Variants in CBFA2T2 observed in about 807,000 individuals in gnomAD.
The protein encoded by CBFA2T2 is protein CBFA2T2.
A neutral mutation model predicts 62.2 loss-of-function variants in CBFA2T2; 11 were observed. The ratio of observed to expected loss-of-function variants is 0.18; its 90% CI spans 0.11 to 0.29. The LOEUF (loss-of-function observed/expected upper bound fraction) is 0.29, where lower values mean the gene tolerates loss of function less well. CBFA2T2 is among the 10% of genes least tolerant of loss of function. The pLI, the probability that CBFA2T2 is intolerant of heterozygous loss-of-function variation, is 1.00. For missense variants in CBFA2T2, 592 were observed against 774.1 expected (o/e 0.76, Z 2.79); for synonymous variants, 295 against 287.5 (o/e 1.03, Z -0.27).
intron 1 of CBFA2T2, among the ~76,000 whole-genome samples, chr20:33,529,785 CTTTT>C (rs202192301): frequency 3.9e-5 from 3 of 76,456 alleles, no homozygotes; most frequent in Admixed American, 1.4e-4. Context: ...ATATATATTT[CTTTT>C]TTTTTTTTTA....
At chr20:33,575,061 T>G (rs1403615382) in intron 1 of CBFA2T2, among the ~76,000 whole-genome samples, 1 of 152,240 alleles carries the variant, frequency 6.6e-6, no homozygotes, top group Non-Finnish European at 1.5e-5. Flanking sequence ...CATTTTCATT[T>G]TATCTGCAGG....
rs1227144246 is a variant in CBFA2T2, at chr20:33,606,207, T to C, written c.35-749T>C. On this transcript the variant is annotated intron_variant, in intron 1 of 10. Transcript: ENST00000342704. ...GTCTAGATAGTTCCCATGTTAGCTTTTTCACCCCTAATAATTTGATTCATT... is the reference window on the plus strand; with the variant it reads ...GTCTAGATAGTTCCCATGTTAGCTTCTTCACCCCTAATAATTTGATTCATT... Among the ~76,000 whole-genome samples the C allele has an allele frequency of 2.6e-5, 4 of 152,190 alleles. No homozygotes were observed. The East Asian group carries it at 7.7e-4, about 29-fold the overall frequency.
At chr20:33,556,032 A>T (rs764052189) in intron 1 of CBFA2T2, among the ~76,000 whole-genome samples, 2 of 152,034 alleles carry the variant, frequency 1.3e-5, no homozygotes, top group East Asian at 3.9e-4. Flanking sequence ...TGCCTGGCTA[A>T]TTTTTTTTAC....
chr20:33,587,263 T>G (rs1395642957), intron 1 of CBFA2T2, among the ~76,000 whole-genome samples: 2 of 146,154 alleles, frequency 1.4e-5, no homozygotes, highest in African/African-American at 5.2e-5. Flanking sequence ...ATTTTTTTGT[T>G]TTGTTTTGTT....
chr20:33,516,495 C>G (rs2011601764), intron 1 of CBFA2T2, among the ~76,000 whole-genome samples: 1 of 152,048 alleles, frequency 6.6e-6, no homozygotes, highest in South Asian at 2.1e-4. Context: ...AAAACTATAG[C>G]CAGGTGCAGT....
At chr20:33,624,672 A>G (rs2016144801) in intron 5 of CBFA2T2, 92 bp from the exon 6 acceptor site, 2 of 1,415,058 alleles carry the variant, frequency 1.4e-6, no homozygotes, top group Admixed American at 1.9e-5. Flanking sequence ...GCCAGCATGT[A>G]GCAAAATACC....
intron 1 of CBFA2T2, among the ~76,000 whole-genome samples, chr20:33,561,691 TTA>T (rs1270232623): frequency 6.6e-6 from 1 of 152,236 alleles, no homozygotes; most frequent in Non-Finnish European, 1.5e-5. Context: ...TTGTTGACAC[TTA>T]TATTAGCAGT....
rs763001923 is a variant in CBFA2T2, at chr20:33,640,495, T to G, written c.1452T>G (p.Ala484=). ...ADVKRQAAED[A]FLVINEQEES... is the part of the protein sequence containing the mutation. ...TCAAGCGGCAGGCCGCAGAGGATGC[T>G]TTCCTCGTCATCAATGAGCAAGAGG... The change falls in exon 10 of 11, where the codon GCT becomes GCG. Residue 484 remains alanine (A), a synonymous_variant. Transcript: ENST00000342704. 6 of 1,614,112 alleles carry G rather than the reference T, an allele frequency of 3.7e-6. No homozygotes were observed. The highest frequency in any genetic ancestry group is 5.1e-6 in the Non-Finnish European group (6 of 1,180,054).
At chr20:33,616,912 C>T (rs1254513523) in intron 3 of CBFA2T2, among the ~76,000 whole-genome samples, 2 of 152,194 alleles carry the variant, frequency 1.3e-5, no homozygotes, top group Admixed American at 6.5e-5. Context: ...CACTGATGTA[C>T]AGAAATCCTT....
chr20:33,618,037 T>C (rs1313106347), intron 3 of CBFA2T2, among the ~76,000 whole-genome samples: 7 of 152,230 alleles, frequency 4.6e-5, no homozygotes, highest in African/African-American at 1.7e-4. Flanking sequence ...TTCTGGTTTT[T>C]CACTTAACAG....
chr20:33,504,970 G>A (rs546676117), intron 1 of CBFA2T2, among the ~76,000 whole-genome samples: 1 of 152,130 alleles, frequency 6.6e-6, no homozygotes, highest in Non-Finnish European at 1.5e-5. Context: ...GGTTAGTGCA[G>A]TTCTTATTTA....
Position 33,636,583 on chromosome 20 carries a change from TAAAA to T in CBFA2T2, c.1229-56_1229-53del, listed in dbSNP as rs1242317455. On this transcript the variant is annotated intron_variant, in intron 8 of 10. Transcript: ENST00000342704. ...GGTGAATGAGAAATCTGATCAAAAATAAAACTGCTGATCATAGACAGCTTCTGAC... is the reference window on the plus strand; with the variant it reads ...GGTGAATGAGAAATCTGATCAAAAATCTGCTGATCATAGACAGCTTCTGAC... The T allele has an allele frequency of 2.5e-5, 33 of 1,305,662 alleles. No individual in the cohort carries two copies. In the East Asian group the frequency reaches 7.7e-4, roughly 30 times the overall value. The allele number at this position is 1,305,662 out of a possible 1,614,324, so 80.9% of individuals were successfully genotyped here.
At chr20:33,621,510 C>T (rs1170170674) in intron 4 of CBFA2T2, among the ~76,000 whole-genome samples, 2 of 151,810 alleles carry the variant, frequency 1.3e-5, no homozygotes, top group Non-Finnish European at 2.9e-5. Context: ...ACCATATTGT[C>T]CAGGCTGGTC....
intron 3 of CBFA2T2, among the ~76,000 whole-genome samples, chr20:33,616,322 C>T (rs1368815438): frequency 2.6e-5 from 4 of 152,112 alleles, no homozygotes; most frequent in Middle Eastern, 3.4e-3. Flanking sequence ...AAATAATTGC[C>T]AATTTTTATT....
At chr20:33,562,103 T>C (rs985344338) in intron 1 of CBFA2T2, among the ~76,000 whole-genome samples, 2 of 152,226 alleles carry the variant, frequency 1.3e-5, no homozygotes, top group Non-Finnish European at 2.9e-5. Context: ...TGGTAATTGC[T>C]AAACATTTGA....
At position 33,611,466 on chromosome 20, in the gene CBFA2T2, T is replaced by C; in HGVS notation, c.420+131T>C. The C allele has an allele frequency of 3.0e-6, 3 of 1,011,502 alleles. No homozygotes were observed. In the South Asian group the frequency reaches 4.8e-5, roughly 16 times the overall value. The allele number at this position is 1,011,502 out of a possible 1,614,324, so 62.7% of individuals were successfully genotyped here. ...TGGCAAATGCTACAGACTAGACTAG[T>C]TATTGAATAACTTGTGTAAAACTGT... On this transcript the variant is annotated intron_variant, in intron 3 of 10. Transcript: ENST00000342704.
chr20:33,627,491 C>T (rs2016284382), intron 6 of CBFA2T2, among the ~76,000 whole-genome samples: 1 of 151,988 alleles, frequency 6.6e-6, no homozygotes, highest in Admixed American at 6.6e-5. Flanking sequence ...ACCTTTTTTG[C>T]CAGTTTGACT....
chr20:33,610,263 G>A (rs2015475978), intron 2 of CBFA2T2, among the ~76,000 whole-genome samples: 1 of 152,138 alleles, frequency 6.6e-6, no homozygotes, highest in Non-Finnish European at 1.5e-5. Flanking sequence ...GGCCAAGATG[G>A]TGCTGCTGCA....
intron 1 of CBFA2T2, among the ~76,000 whole-genome samples, chr20:33,502,379 G>T (rs2011301538): frequency 6.6e-6 from 1 of 151,996 alleles, no homozygotes; most frequent in South Asian, 2.1e-4. Flanking sequence ...AGGTGTTGTA[G>T]GCTTAGTTTC....
Sources: gnomAD v4.1 joint callset for allele counts (sites outside exome capture counted in the v4.1 genomes callset) on GRCh38, gnomAD v4.1.1 for gene constraint, MANE v1.5 for transcripts, NCBI Gene and HGNC (gene_info 2026-07-23, HGNC 2026-07-21) for gene names.